NCAPG2: variants seen among roughly 807,000 people sequenced by gnomAD.
NCAPG2 encodes condensin-2 complex subunit G2.
In NCAPG2, 53 loss-of-function variants were observed where a neutral mutation model predicts 141.1. The ratio of observed to expected loss-of-function variants is 0.38; its 90% CI spans 0.30 to 0.47. The LOEUF (loss-of-function observed/expected upper bound fraction) is 0.47. NCAPG2 is among the 20% of genes least tolerant of loss of function. NCAPG2 has a pLI of 0.99. For missense variants in NCAPG2, 1,087 were observed against 1,389.0 expected, an observed-to-expected ratio of 0.78 and a Z score of 3.46; for synonymous variants, 499 against 490.7, an observed-to-expected ratio of 1.02 and a Z score of -0.22.
chr7:158,672,618 G>A (rs1240392079), intron 12 of NCAPG2, among the ~76,000 whole-genome samples: 3 of 151,968 alleles, frequency 2.0e-5, no homozygotes, highest in African/African-American at 7.3e-5. Flanking sequence ...TGGGACTACA[G>A]GCGTGAGCCA....
chr7:158,654,713 G>T lies in NCAPG2; in HGVS notation c.2647-19C>A, dbSNP rs1194423302. The T allele has an allele frequency of 1.9e-6, 3 of 1,602,388 alleles. No individual in the cohort carries two copies. The Admixed American group carries it at 5.2e-5, about 28-fold the overall frequency. On this transcript the variant is annotated intron_variant, in intron 21 of 27. Transcript: ENST00000356309. ...GGTAGGTCTGTAAGAGACAGACACA[G>T]CTTAGCAACAAAGGCCATTTTTAAA...
intron 11 of NCAPG2, among the ~76,000 whole-genome samples, chr7:158,678,049 G>A (rs888378806): frequency 6.6e-6 from 1 of 150,946 alleles, no homozygotes; most frequent in Non-Finnish European, 1.5e-5. Flanking sequence ...CTTCTTCCTC[G>A]GCCTCTCAAA....
intron 9 of NCAPG2, among the ~76,000 whole-genome samples, chr7:158,681,813 T>C (rs1420830834): frequency 6.6e-6 from 1 of 152,224 alleles, no homozygotes; most frequent in African/African-American, 2.4e-5. Flanking sequence ...TCAGTATATT[T>C]AGAGCTATGC....
chr7:158,644,189 C>T, intron 27 of NCAPG2, 100 bp downstream of exon 27: 1 of 986,898 alleles, frequency 1.0e-6, no homozygotes, highest in Admixed American at 1.9e-5. Flanking sequence ...CTCCTAACCA[C>T]CTGGGTGTAA....
chr7:158,701,690 C>A (rs777046741), intron 2 of NCAPG2, 132 bp downstream of exon 2: 1 of 827,832 alleles, frequency 1.2e-6, no homozygotes, highest in Non-Finnish European at 1.9e-6. Flanking sequence ...GTTTTGTTTT[C>A]TTCTTTCAAA....
rs1357925503 is a variant in NCAPG2 at position 158,656,538 on chromosome 7, T to C, written c.2214+14A>G. 8 of 1,613,452 alleles carry C rather than the reference T, an allele frequency of 5.0e-6. No homozygotes were observed. Among genetic ancestry groups the C allele is most frequent in the South Asian group, 4.4e-5 (4 of 90,998 alleles). On this transcript the variant is annotated intron_variant, in intron 18 of 27. Coordinates refer to ENST00000356309, the MANE Select transcript of NCAPG2 (RefSeq NM_017760.7). ...TCACTCACCTAATTTTAAGGAAACATGATGTCAACCTACCTTGGCCTGGGC... is the reference window on the plus strand; with the variant it reads ...TCACTCACCTAATTTTAAGGAAACACGATGTCAACCTACCTTGGCCTGGGC...
intron 13 of NCAPG2, among the ~76,000 whole-genome samples, chr7:158,666,267 C>G (rs1832927010): frequency 6.6e-6 from 1 of 152,164 alleles, no homozygotes; most frequent in African/African-American, 2.4e-5. Flanking sequence ...TCTGCCTGTC[C>G]CAACACACGA....
intron 23 of NCAPG2, 43 bp from the exon 24 acceptor site, chr7:158,651,015 T>C (rs1334543441): frequency 2.6e-6 from 4 of 1,528,196 alleles, no homozygotes; most frequent in East Asian, 2.4e-5. Context: ...CTAAAAACCA[T>C]GGTTTTGAAA....
intron 24 of NCAPG2, among the ~76,000 whole-genome samples, chr7:158,650,460 A>G (rs1363584374): frequency 1.3e-5 from 2 of 152,248 alleles, no homozygotes; most frequent in Admixed American, 1.3e-4. Context: ...CTCCTAGAGT[A>G]GTCTTGTATT....
rs1305139746 is a variant in NCAPG2, at chr7:158,675,641, G to A, written c.1162C>T (p.Pro388Ser). The stretch of plus-strand genomic sequence containing the variant: ...CCTGTGGAACGGACCATCGGGTAAG[G>A]ATCTTCTAAAAGGCTCTATAAGTAG... ...FEELYSLLEDPYPMVRSTGIL... is the reference protein window; with the variant it reads ...FEELYSLLEDSYPMVRSTGIL... The change falls in exon 12 of 28, where the codon CCT becomes TCT. Residue 388 changes from proline to serine, a missense_variant. By Grantham distance (74) the Pro-to-Ser change is moderately conservative. Transcript: ENST00000356309. 6.2e-7 allele frequency: 1 copy of A among 1,610,758 alleles called. No homozygotes were observed.
intron 2 of NCAPG2, among the ~76,000 whole-genome samples, chr7:158,695,687 G>A (rs1378073141): frequency 6.6e-6 from 1 of 152,250 alleles, no homozygotes; most frequent in East Asian, 1.9e-4. Flanking sequence ...GCCTTGGGGT[G>A]GTCATTGCCT....
chr7:158,662,741 AG>A (rs1487014841), intron 15 of NCAPG2, among the ~76,000 whole-genome samples: 1 of 152,128 alleles, frequency 6.6e-6, no homozygotes, highest in Non-Finnish European at 1.5e-5. Flanking sequence ...ATCTCGATGC[AG>A]GGGGAGGGGA....
Position 158,690,663 on chromosome 7 carries a change from A to C in NCAPG2, c.442T>G (p.Cys148Gly). 6.2e-7 allele frequency: 1 copy of C among 1,614,132 alleles called. No homozygotes were observed. The highest frequency in any genetic ancestry group is 1.3e-5 in the African/African-American group (1 of 75,058). The change falls in exon 5 of 28, where the codon TGT becomes GGT. Residue 148 changes from cysteine (C) to glycine (G), a missense_variant. Transcript: ENST00000356309. ...AGGCCTTTCTCCCACCAGGTAACACACAAATCCTGAATAGAACTCTGTAGT... is the reference window on the plus strand; with the variant it reads ...AGGCCTTTCTCCCACCAGGTAACACCCAAATCCTGAATAGAACTCTGTAGT... ...RKLQSSIQDL[C>G]VTWWEKGLPA...
chr7:158,691,499 A>G (rs1266671176), intron 4 of NCAPG2, among the ~76,000 whole-genome samples: 1 of 152,254 alleles, frequency 6.6e-6, no homozygotes, highest in African/African-American at 2.4e-5. Context: ...TATAAAACAT[A>G]CATAAATCCA....
intron 27 of NCAPG2, among the ~76,000 whole-genome samples, chr7:158,643,024 G>A (rs974791723): frequency 2.6e-5 from 4 of 151,916 alleles, no homozygotes; most frequent in African/African-American, 7.3e-5. Context: ...GTGCAGTGGC[G>A]CAATCTCAGC....
chr7:158,701,753 A>G (rs943700821), intron 2 of NCAPG2, 69 bp downstream of exon 2: 26 of 1,342,292 alleles, frequency 1.9e-5, no homozygotes, highest in African/African-American at 1.2e-4. Flanking sequence ...TTTTGGGGAC[A>G]TAATGACTTT....
chr7:158,674,140 AAC>A (rs1833912342), intron 12 of NCAPG2, among the ~76,000 whole-genome samples: 1 of 152,204 alleles, frequency 6.6e-6, no homozygotes, highest in South Asian at 2.1e-4. Flanking sequence ...TCACTCAACA[AAC>A]ACAGACATGC....
intron 16 of NCAPG2, 109 bp downstream of exon 16, chr7:158,662,085 C>T: frequency 9.6e-7 from 1 of 1,041,420 alleles, no homozygotes; most frequent in Non-Finnish European, 1.3e-6. Flanking sequence ...TCTCATTTTA[C>T]AGATGAGAAC....
At chr7:158,636,402 CTTTTTTT>C (rs59810481) in intron 27 of NCAPG2, among the ~76,000 whole-genome samples, 2 of 135,790 alleles carry the variant, frequency 1.5e-5, no homozygotes, top group Non-Finnish European at 3.2e-5. Context: ...TTCTTTTTTT[CTTTTTTT>C]TTTTTTTTTG....
Sources: allele counts gnomAD v4.1 joint callset (sites outside exome capture counted in the v4.1 genomes callset), GRCh38; gene constraint gnomAD v4.1.1; transcripts MANE v1.5; gene names NCBI Gene and HGNC (gene_info 2026-07-23, HGNC 2026-07-21).